The following JMJD1C variants were observed in gnomAD, a reference collection of about 807,000 sequenced individuals.
JMJD1C encodes jumonji domain containing 1C, also known as jumonji domain-containing protein 1C.
A neutral mutation model predicts 245.3 loss-of-function variants in JMJD1C; 31 were observed. The ratio of observed to expected loss-of-function variants is 0.13; its 90% confidence interval spans 0.09 to 0.17. JMJD1C has a LOEUF of 0.17. Ranked by LOEUF, JMJD1C falls within the 10% of genes least tolerant of loss-of-function variation. The probability of loss-of-function intolerance (pLI) is 1.00; values close to 1 mark genes in which losing one functional copy is unlikely to be tolerated. For missense variants in JMJD1C, 2,691 were observed against 3,000.2 expected, an observed-to-expected ratio of 0.90 and a Z score of 2.41; for synonymous variants, 1,057 against 1,017.4, an observed-to-expected ratio of 1.04 and a Z score of -0.74.
intron 2 of JMJD1C, among the ~76,000 whole-genome samples, chr10:63,293,922 A>C (rs1859075825): frequency 6.6e-6 from 1 of 152,174 alleles, no homozygotes; most frequent in Non-Finnish European, 1.5e-5. Context: ...TATATGCAGT[A>C]AACTGTCACA....
intron 2 of JMJD1C, among the ~76,000 whole-genome samples, chr10:63,304,980 T>C (rs1464403367): frequency 6.6e-6 from 1 of 152,020 alleles, no homozygotes; most frequent in Admixed American, 6.6e-5. Flanking sequence ...CAAAAAAGTA[T>C]TTTAAAATAT....
chr10:63,252,421 G>GA (rs1056666816), intron 3 of JMJD1C, among the ~76,000 whole-genome samples: 26 of 152,082 alleles, frequency 1.7e-4, no homozygotes, highest in Admixed American at 5.2e-4. Flanking sequence ...AAGGCCTTAA[G>GA]AAAAAAGACT....
intron 2 of JMJD1C, among the ~76,000 whole-genome samples, chr10:63,267,848 A>G (rs36036508): frequency 0.2 from 30,647 of 152,122 alleles, 4,055 homozygotes; most frequent in Non-Finnish European, 0.29. Context: ...AGGGCCTACC[A>G]AACTATAGGA....
At chr10:63,200,773 T>G in intron 10 of JMJD1C, 96 bp from the exon 11 acceptor site, 1 of 1,078,138 alleles carries the variant, frequency 9.3e-7, no homozygotes, top group Non-Finnish European at 1.4e-6. Flanking sequence ...ATTGTGATGA[T>G]ACGGTAAGAC....
At chr10:63,357,116 C>T (rs1944912655) in intron 2 of JMJD1C, among the ~76,000 whole-genome samples, 1 of 151,942 alleles carries the variant, frequency 6.6e-6, no homozygotes, top group African/African-American at 2.4e-5. Context: ...TCACCGCAAC[C>T]TCTGCCTCCT....
At chr10:63,401,582 T>C (rs1362141598) in intron 1 of JMJD1C, among the ~76,000 whole-genome samples, 1 of 152,166 alleles carries the variant, frequency 6.6e-6, no homozygotes, top group Non-Finnish European at 1.5e-5. Context: ...TCTGTTTCAA[T>C]GTATTTAGGA....
At position 63,338,878 on chromosome 10, in the gene JMJD1C, A is replaced by G. The variant is rs58636844; in HGVS notation, c.333+41440T>C. 7.8e-3 allele frequency among the ~76,000 whole-genome samples: 1,170 copies of G among 150,448 alleles called. 14 individuals are homozygous for G. The highest frequency in any genetic ancestry group is 0.027 in the African/African-American group (1,093 of 40,990). The stretch of plus-strand genomic sequence containing the variant: ...TGGTCTGGCTGGTCTTGAACTCTCA[A>G]CCTCAGGTGATCCACCCGCCTCAGC... On this transcript the variant is annotated intron_variant, in intron 2 of 25. Transcript: ENST00000399262.
intron 2 of JMJD1C, among the ~76,000 whole-genome samples, chr10:63,296,875 A>T (rs1475542740): frequency 6.6e-6 from 1 of 152,182 alleles, no homozygotes; most frequent in Non-Finnish European, 1.5e-5. Flanking sequence ...AATTTTTTTT[A>T]ATTTAAAGCA....
In JMJD1C at chr10:63,215,604, G is replaced by A. The variant is rs1847888841; in HGVS notation, c.771C>T (p.Gly257=). ...VHSLLKGENI[G]ITSRRRSRAN... ...CACGAGACCTGCGTCGTGATGTAAT[G>A]CCAATATTTTCACCTTTTAACAAAG... Residue 257 remains glycine (G), a synonymous_variant, in exon 6 of 26, where the codon GGC becomes GGT. Transcript: ENST00000399262. The A allele has an allele frequency of 6.2e-7, 1 of 1,611,474 alleles. No individual in the cohort carries two copies. Among genetic ancestry groups the A allele is most frequent in the African/African-American group, 1.3e-5 (1 of 74,998 alleles).
At chr10:63,235,178 G>C (rs1850582062) in intron 3 of JMJD1C, among the ~76,000 whole-genome samples, 1 of 152,148 alleles carries the variant, frequency 6.6e-6, no homozygotes, top group African/African-American at 2.4e-5. Flanking sequence ...TATTCTATAA[G>C]TATTTTGCCA....
At chr10:63,239,335 A>C (rs1055286392) in intron 3 of JMJD1C, among the ~76,000 whole-genome samples, 1 of 152,148 alleles carries the variant, frequency 6.6e-6, no homozygotes, top group African/African-American at 2.4e-5. Flanking sequence ...TAAGGATGGG[A>C]GCCTTACGAT....
chr10:63,440,683 T>C (rs981554083), intron 1 of JMJD1C, among the ~76,000 whole-genome samples: 4 of 152,196 alleles, frequency 2.6e-5, no homozygotes, highest in Non-Finnish European at 4.4e-5. Context: ...AGACTGTTGC[T>C]GGATATTTTA....
At chr10:63,306,019 G>A (rs77722590) in intron 2 of JMJD1C, among the ~76,000 whole-genome samples, 13,189 of 151,890 alleles carry the variant, frequency 0.087, 804 homozygotes, top group Non-Finnish European at 0.14. Context: ...TACTGTGCCC[G>A]GTAGAGACCC....
chr10:63,236,219 ACCCAACT>A (rs1850715166), intron 3 of JMJD1C, among the ~76,000 whole-genome samples: 2 of 152,188 alleles, frequency 1.3e-5, no homozygotes, highest in Non-Finnish European at 2.9e-5. Context: ...TTGGTTGATC[ACCCAACT>A]GAAACCTATC....
intron 2 of JMJD1C, among the ~76,000 whole-genome samples, chr10:63,354,902 G>T (rs1020571978): frequency 1.3e-5 from 2 of 151,056 alleles, no homozygotes; most frequent in Admixed American, 6.6e-5. Flanking sequence ...GTGCACCTGT[G>T]GTCCCAGCTA....
chr10:63,511,477 C>G (rs1954870055), intron 1 of JMJD1C, among the ~76,000 whole-genome samples: 1 of 152,068 alleles, frequency 6.6e-6, no homozygotes. Flanking sequence ...TTTGGGAGGC[C>G]AAGGCTGGTG....
chr10:63,466,202 C>T, upstream of JMJD1C: 1 of 185,608 alleles, frequency 5.4e-6, no homozygotes, highest in African/African-American at 2.4e-5. Flanking sequence ...AAGTAGGCGA[C>T]AGCTATTCAA....
intron 21 of JMJD1C, among the ~76,000 whole-genome samples, chr10:63,184,362 C>T (rs1420193696): frequency 6.6e-6 from 1 of 152,060 alleles, no homozygotes; most frequent in Non-Finnish European, 1.5e-5. Context: ...CCTGCCTCAG[C>T]CTCCTGAGTA....
intron 2 of JMJD1C, among the ~76,000 whole-genome samples, chr10:63,286,844 G>C (rs1384000877): frequency 6.6e-6 from 1 of 152,160 alleles, no homozygotes; most frequent in Non-Finnish European, 1.5e-5. Flanking sequence ...AGTAAAAATA[G>C]TAAACAGAAT....
Sources: gnomAD v4.1 joint callset for allele counts (sites outside exome capture counted in the v4.1 genomes callset) on GRCh38, gnomAD v4.1.1 for gene constraint, MANE v1.5 for transcripts, NCBI Gene and HGNC (gene_info 2026-07-23, HGNC 2026-07-21) for gene names.